Variants in CNTNAP2 observed in about 807,000 individuals in gnomAD.
The protein encoded by CNTNAP2 is contactin-associated protein-like 2.
In CNTNAP2, 98 loss-of-function variants were observed where a neutral mutation model predicts 155.2. That is an observed-to-expected ratio of 0.63 (90% CI 0.54 to 0.75). CNTNAP2 has a LOEUF of 0.75. Among genes scored for constraint, CNTNAP2 ranks in the 30% least tolerant of loss-of-function variants. CNTNAP2 has a pLI of 0.00. For missense variants in CNTNAP2, 1,727 were observed against 1,688.1 expected, an observed-to-expected ratio of 1.02 and a Z score of -0.40; for synonymous variants, 651 against 631.2, an observed-to-expected ratio of 1.03 and a Z score of -0.47.
intron 14 of CNTNAP2, among the ~76,000 whole-genome samples, chr7:147,928,137 T>C (rs1045350418): frequency 6.6e-6 from 1 of 152,198 alleles, no homozygotes; most frequent in Non-Finnish European, 1.5e-5. Flanking sequence ...CCATGTAAGA[T>C]GTGCCTTTCA....
intron 12 of CNTNAP2, among the ~76,000 whole-genome samples, chr7:147,603,901 C>A (rs1801006489): frequency 6.6e-6 from 1 of 151,792 alleles, no homozygotes; most frequent in South Asian, 2.1e-4. Flanking sequence ...AGAACAGAGC[C>A]CTCAGAAATA....
intron 1 of CNTNAP2, among the ~76,000 whole-genome samples, chr7:146,766,612 A>G (rs1297443349): frequency 6.6e-6 from 1 of 152,190 alleles, no homozygotes; most frequent in Admixed American, 6.5e-5. Context: ...GTGAGATCTG[A>G]AGCCTCCTCA....
At chr7:147,756,331 A>G (rs1427632602) in intron 13 of CNTNAP2, among the ~76,000 whole-genome samples, 1 of 146,228 alleles carries the variant, frequency 6.8e-6, no homozygotes, top group Non-Finnish European at 1.5e-5. Flanking sequence ...AATATTTTCA[A>G]TAAGGAAATG....
intron 8 of CNTNAP2, among the ~76,000 whole-genome samples, chr7:147,222,576 G>A (rs185275152): frequency 4.1e-4 from 63 of 152,186 alleles, no homozygotes; most frequent in Non-Finnish European, 2.9e-4. Flanking sequence ...ATGTCTATCT[G>A]TGAGGCTTGC....
intron 1 of CNTNAP2, among the ~76,000 whole-genome samples, chr7:146,381,090 G>A (rs1393530049): frequency 3.9e-5 from 6 of 151,916 alleles, no homozygotes; most frequent in Non-Finnish European, 7.4e-5. Flanking sequence ...GAGCCACCGC[G>A]CCCGGCCTGC....
rs2708272 is a variant in CNTNAP2, at chr7:147,876,057, T to C, written c.2099-27508T>C. ...AATTATTCCATTTATTTTATACACATTGGGACCCAAATAAGTTCCAACTTA... is the reference window on the plus strand; with the variant it reads ...AATTATTCCATTTATTTTATACACACTGGGACCCAAATAAGTTCCAACTTA... On this transcript the variant is annotated intron_variant, in intron 13 of 23. Transcript: ENST00000361727. 4.6e-3 allele frequency among the ~76,000 whole-genome samples: 701 copies of C among 152,304 alleles called. 3 individuals carry two copies. The highest frequency in any genetic ancestry group is 0.016 in the African/African-American group (670 of 41,560).
At chr7:146,867,818 C>G (rs1795235589) in intron 3 of CNTNAP2, among the ~76,000 whole-genome samples, 2 of 149,760 alleles carry the variant, frequency 1.3e-5, no homozygotes, top group Non-Finnish European at 3.0e-5. Context: ...GCATGAATGT[C>G]TTCATTTGAG....
At chr7:147,281,041 A>C (rs17409790) in intron 8 of CNTNAP2, among the ~76,000 whole-genome samples, 5,213 of 152,008 alleles carry the variant, frequency 0.034, 123 homozygotes, top group Non-Finnish European at 0.052. Flanking sequence ...AAATTTTTTG[A>C]ATCTCGATTT....
intron 1 of CNTNAP2, among the ~76,000 whole-genome samples, chr7:146,275,827 C>G (rs116296917): frequency 6.0e-4 from 92 of 152,284 alleles, no homozygotes; most frequent in African/African-American, 2.2e-3. Context: ...AATTCAATAA[C>G]TCAGATTGCT....
At chr7:147,902,432 T>C (rs918587279) in intron 13 of CNTNAP2, among the ~76,000 whole-genome samples, 3 of 152,360 alleles carry the variant, frequency 2.0e-5, no homozygotes, top group Middle Eastern at 3.4e-3. Context: ...CTGTAGGTTT[T>C]TGGGTAACAG....
intron 8 of CNTNAP2, chr7:147,161,622 T>TTCTCTCTCTCTC (rs3084351): frequency 6.6e-6 from 1 of 151,376 alleles, no homozygotes; most frequent in Non-Finnish European, 1.5e-5. Context: ...TCATTCAGTA[T>TTCTCTCTCTCTC]TCTCTCTCTC....
At chr7:146,377,401 T>A (rs1795318422) in intron 1 of CNTNAP2, among the ~76,000 whole-genome samples, 1 of 152,194 alleles carries the variant, frequency 6.6e-6, no homozygotes, top group East Asian at 1.9e-4. Flanking sequence ...AGGTTTAGGC[T>A]CCTTTCAATT....
chr7:147,185,555 GT>G (rs1802546847), intron 8 of CNTNAP2, among the ~76,000 whole-genome samples: 2 of 152,128 alleles, frequency 1.3e-5, no homozygotes, highest in African/African-American at 4.8e-5. Context: ...ATGACCCAGT[GT>G]TAAGACTGAA....
At chr7:147,307,651 C>G (rs1035080253) in intron 9 of CNTNAP2, among the ~76,000 whole-genome samples, 4 of 152,172 alleles carry the variant, frequency 2.6e-5, no homozygotes, top group African/African-American at 9.7e-5. Flanking sequence ...AATATAAGTC[C>G]TTAAACTCAA....
chr7:147,655,424 AT>A (rs1327012038), intron 13 of CNTNAP2, among the ~76,000 whole-genome samples: 2 of 152,154 alleles, frequency 1.3e-5, no homozygotes, highest in African/African-American at 4.8e-5. Flanking sequence ...CGCCCAGCCT[AT>A]TTTTTAAATA....
intron 22 of CNTNAP2, among the ~76,000 whole-genome samples, chr7:148,398,217 T>C (rs62508376): frequency 0.26 from 39,086 of 151,924 alleles, 5,578 homozygotes; most frequent in Non-Finnish European, 0.33. Context: ...TCCACCATGT[T>C]CTCAGCAACG....
chr7:147,312,405 TC>T (rs1054023965), intron 9 of CNTNAP2, among the ~76,000 whole-genome samples: 1 of 142,026 alleles, frequency 7.0e-6, no homozygotes, highest in Non-Finnish European at 1.5e-5. Context: ...ATGCTAACCG[TC>T]CCCCCTCCCC....
chr7:146,814,940 T>A (rs570894604), intron 2 of CNTNAP2, among the ~76,000 whole-genome samples: 26 of 152,286 alleles, frequency 1.7e-4, no homozygotes, highest in Admixed American at 1.5e-3. Context: ...TAATAGTTAT[T>A]GAGAAAAGGA....
At chr7:148,385,333 G>A (rs1315353698) in intron 22 of CNTNAP2, among the ~76,000 whole-genome samples, 4 of 152,188 alleles carry the variant, frequency 2.6e-5, no homozygotes, top group Non-Finnish European at 5.9e-5. Flanking sequence ...ATTACACAGT[G>A]GGCTGGCTTG....
Sources: gnomAD v4.1 joint callset for allele counts (sites outside exome capture counted in the v4.1 genomes callset) on GRCh38, gnomAD v4.1.1 for gene constraint, MANE v1.5 for transcripts, NCBI Gene and HGNC (gene_info 2026-07-23, HGNC 2026-07-21) for gene names.